The following OPCML variants were observed in gnomAD, a reference collection of about 807,000 sequenced individuals.
OPCML encodes opioid binding protein/cell adhesion molecule like, also known as opioid-binding protein/cell adhesion molecule.
OPCML carries 13 observed loss-of-function variants against 37.8 expected under a neutral mutation model. The ratio of observed to expected loss-of-function variants is 0.34; its 90% CI spans 0.22 to 0.55. The LOEUF is 0.55. OPCML is among the 20% of genes least tolerant of loss of function. The probability of loss-of-function intolerance (pLI) is 0.91; values close to 1 mark genes in which losing one functional copy is unlikely to be tolerated. For missense variants in OPCML, 341 were observed against 435.6 expected (o/e 0.78, Z 1.93); for synonymous variants, 176 against 168.8 (o/e 1.04, Z -0.33).
intron 1 of OPCML, among the ~76,000 whole-genome samples, chr11:133,342,021 G>A (rs1663507685): frequency 6.6e-6 from 1 of 152,154 alleles, no homozygotes. Flanking sequence ...TCCCACAGAG[G>A]AGGACTCGAC....
intron 1 of OPCML, among the ~76,000 whole-genome samples, chr11:132,981,183 G>A (rs960042316): frequency 2.0e-5 from 3 of 152,234 alleles, no homozygotes; most frequent in African/African-American, 7.2e-5. Flanking sequence ...TGCCTGCACA[G>A]TGCTAGGCAC....
rs3049633 is a variant in OPCML, at chr11:133,176,337, C to CTTTT, written c.62-233331_62-233328dup. Among the ~76,000 whole-genome samples the CTTTT allele has an allele frequency of 3.4e-3, 474 of 140,020 alleles. 5 individuals are homozygous for CTTTT. The highest frequency in any genetic ancestry group is 8.7e-3 in the Admixed American group (123 of 14,130). 91.9% of individuals were successfully genotyped at this position (140,020 alleles called of 152,430 possible). ...GAGCAATGCAGTAGCCTTCATTTTC[C>CTTTT]TTTTTTTTTTTTTTTCATTTGTGGC... On this transcript the variant is annotated intron_variant, in intron 1 of 7. Coordinates refer to ENST00000524381, the MANE Select transcript of OPCML (RefSeq NM_001012393.5).
intron 3 of OPCML, among the ~76,000 whole-genome samples, chr11:132,654,998 C>T (rs966741222): frequency 6.6e-6 from 1 of 152,214 alleles, no homozygotes; most frequent in African/African-American, 2.4e-5. Flanking sequence ...TGGAGGTCCA[C>T]AGGGAGACCC....
chr11:132,602,976 C>T (rs183620831), intron 3 of OPCML, among the ~76,000 whole-genome samples: 2 of 152,234 alleles, frequency 1.3e-5, no homozygotes, highest in Non-Finnish European at 2.9e-5. Flanking sequence ...TTTTAATGGA[C>T]ACCTCTGCTC....
intron 1 of OPCML, among the ~76,000 whole-genome samples, chr11:133,291,125 G>T (rs977229603): frequency 6.6e-6 from 1 of 152,218 alleles, no homozygotes; most frequent in African/African-American, 2.4e-5. Context: ...AATGCCCAAG[G>T]CTGTGTCATA....
intron 4 of OPCML, among the ~76,000 whole-genome samples, chr11:132,491,822 C>T (rs1463823682): frequency 6.6e-6 from 1 of 151,896 alleles, no homozygotes; most frequent in Non-Finnish European, 1.5e-5. Context: ...GAATCATATG[C>T]TGGGACAGTA....
At chr11:132,447,480 T>G (rs35031181) in intron 4 of OPCML, among the ~76,000 whole-genome samples, 3 of 147,278 alleles carry the variant, frequency 2.0e-5, no homozygotes, top group Admixed American at 6.7e-5. Flanking sequence ...TTTTTTTTTT[T>G]GTATTTTTTA....
At chr11:133,273,704 C>T (rs554047400) in intron 1 of OPCML, among the ~76,000 whole-genome samples, 2 of 152,274 alleles carry the variant, frequency 1.3e-5, no homozygotes, top group Non-Finnish European at 2.9e-5. Flanking sequence ...AAGGAGCCCT[C>T]TTGGAGCCCT....
At chr11:133,047,757 A>G (rs886710463) in intron 1 of OPCML, among the ~76,000 whole-genome samples, 3 of 152,346 alleles carry the variant, frequency 2.0e-5, no homozygotes, top group Non-Finnish European at 4.4e-5. Context: ...AGGGTGGGAA[A>G]AGGAGAAAGG....
At chr11:133,519,470 G>C (rs901353375) in intron 1 of OPCML, among the ~76,000 whole-genome samples, 2 of 152,164 alleles carry the variant, frequency 1.3e-5, no homozygotes, top group Admixed American at 1.3e-4. Flanking sequence ...ATCTGTCACA[G>C]TCACTCTGTT....
intron 2 of OPCML, among the ~76,000 whole-genome samples, chr11:132,852,600 C>T (rs970305252): frequency 1.3e-5 from 2 of 149,544 alleles, no homozygotes; most frequent in East Asian, 1.9e-4. Flanking sequence ...ACCACGCCTG[C>T]GCACAAAGGA....
At chr11:132,430,402 G>A (rs940014698) in intron 7 of OPCML, among the ~76,000 whole-genome samples, 4 of 152,190 alleles carry the variant, frequency 2.6e-5, no homozygotes, top group African/African-American at 7.2e-5. Context: ...CCGCTGCCTG[G>A]TGCAGGCTCT....
intron 1 of OPCML, among the ~76,000 whole-genome samples, chr11:133,105,897 G>A (rs1337888286): frequency 6.6e-6 from 1 of 152,090 alleles, no homozygotes; most frequent in African/African-American, 2.4e-5. Flanking sequence ...CAGGAGAATC[G>A]CTTGAACCCG....
At chr11:133,310,545 C>G (rs1943044635) in intron 1 of OPCML, among the ~76,000 whole-genome samples, 1 of 152,162 alleles carries the variant, frequency 6.6e-6, no homozygotes, top group Admixed American at 6.5e-5. Context: ...AAATCATCAA[C>G]AGTCTTATTT....
At chr11:132,860,747 A>G (rs185417016) in intron 2 of OPCML, 1 of 152,300 alleles carries the variant, frequency 6.6e-6, no homozygotes, top group African/African-American at 2.4e-5. Flanking sequence ...GACACCAGAA[A>G]AGCTAGATTC....
At position 132,435,944 on chromosome 11, in the gene OPCML, G is replaced by A; in HGVS notation, c.916+142C>T. The A allele has an allele frequency of 7.0e-6, 5 of 709,502 alleles. No homozygotes were observed. The South Asian group carries it at 8.8e-5, about 12-fold the overall frequency. The allele number at this position is 709,502 out of a possible 1,614,324, so 44.0% of individuals were successfully genotyped here. A position where few individuals can be genotyped will look rare whatever the true frequency, so the allele number is the denominator to read the frequency against. On this transcript the variant is annotated intron_variant, in intron 7 of 7. Coordinates refer to ENST00000524381, the MANE Select transcript of OPCML (RefSeq NM_001012393.5). ...GCATGGCATGCTAGGGGAATGGCAG[G>A]GAGAAGTATGTCTTATCTACAGGTG...
chr11:133,180,838 CA>C (rs34333844), intron 1 of OPCML, among the ~76,000 whole-genome samples: 181 of 93,578 alleles, frequency 1.9e-3, no homozygotes, highest in East Asian at 3.6e-3. Flanking sequence ...CTCAGCAAAG[CA>C]AAAAAAAAAA....
At chr11:132,978,103 G>A (rs1213108351) in intron 1 of OPCML, among the ~76,000 whole-genome samples, 1 of 152,110 alleles carries the variant, frequency 6.6e-6, no homozygotes, top group African/African-American at 2.4e-5. Context: ...GGATGCCGGC[G>A]GGCTAAATAG....
intron 2 of OPCML, among the ~76,000 whole-genome samples, chr11:132,824,912 G>A (rs1940208805): frequency 6.6e-6 from 1 of 151,962 alleles, no homozygotes; most frequent in Admixed American, 6.6e-5. Flanking sequence ...CCTTCTCTGT[G>A]TCTGGAAGGC....
Sources: allele counts gnomAD v4.1 joint callset (sites outside exome capture counted in the v4.1 genomes callset), GRCh38; gene constraint gnomAD v4.1.1; transcripts MANE v1.5; gene names NCBI Gene and HGNC (gene_info 2026-07-23, HGNC 2026-07-21).